ERC2: variants seen among roughly 807,000 people sequenced by gnomAD.
ERC2 encodes the protein ELKS/RAB6-interacting/CAST family member 2, also known as ERC protein 2.
ERC2 carries 42 observed loss-of-function variants against 114.8 expected under a neutral mutation model. The observed-to-expected ratio is 0.37, with a 90% confidence interval of 0.29 to 0.47. The LOEUF (loss-of-function observed/expected upper bound fraction) is 0.47, where lower values mean the gene tolerates loss of function less well. Among genes scored for constraint, ERC2 ranks in the 20% least tolerant of loss-of-function variants. The pLI, the probability that ERC2 is intolerant of heterozygous loss-of-function variation, is 0.99. For missense variants in ERC2, 939 were observed against 1,150.7 expected (o/e 0.82, Z 2.66); for synonymous variants, 454 against 425.5 (o/e 1.07, Z -0.82).
intron 4 of ERC2, among the ~76,000 whole-genome samples, chr3:56,163,582 A>G (rs1271216370): frequency 6.6e-6 from 1 of 151,754 alleles, no homozygotes; most frequent in Non-Finnish European, 1.5e-5. Context: ...TTAGGTTAGA[A>G]AAGTCTTTAT....
At chr3:56,278,773 G>A (rs925246562) in intron 3 of ERC2, among the ~76,000 whole-genome samples, 1 of 152,148 alleles carries the variant, frequency 6.6e-6, no homozygotes, top group African/African-American at 2.4e-5. Context: ...ATCACATGGT[G>A]AGGGAGGAGG....
chr3:56,355,710 T>C (rs73835005), intron 2 of ERC2, among the ~76,000 whole-genome samples: 12,354 of 152,222 alleles, frequency 0.081, 852 homozygotes, highest in African/African-American at 0.18. Context: ...AGGCAAATAT[T>C]GCATTGTGTA....
intron 14 of ERC2, among the ~76,000 whole-genome samples, chr3:55,752,587 C>T (rs1469131574): frequency 6.6e-6 from 1 of 152,174 alleles, no homozygotes; most frequent in East Asian, 1.9e-4. Context: ...ATTTTCTGTG[C>T]CAAAGACTAT....
chr3:56,329,409 C>T (rs1287051655), intron 2 of ERC2, among the ~76,000 whole-genome samples: 1 of 152,186 alleles, frequency 6.6e-6, no homozygotes, highest in Non-Finnish European at 1.5e-5. Context: ...GGAGCCCTAT[C>T]AGGTTCTCAC....
At position 56,409,293 on chromosome 3, in the gene ERC2, A is replaced by T. The variant is rs537152074; in HGVS notation, c.657+25058T>A. 3.6e-4 allele frequency among the ~76,000 whole-genome samples: 55 copies of T among 152,284 alleles called. 1 individual carries two copies. The South Asian group carries it at 0.011, about 30-fold the overall frequency. On this transcript the variant is annotated intron_variant, in intron 2 of 17. Transcript: ENST00000288221. ...TGTTTGTTTGTTTTATATTTAAAAA[A>T]ATATAATCAAACTAATTGCCAGCCA...
chr3:56,262,462 C>A (rs989206112), intron 3 of ERC2, among the ~76,000 whole-genome samples: 1 of 152,158 alleles, frequency 6.6e-6, no homozygotes, highest in Admixed American at 6.5e-5. Flanking sequence ...ATTAAAGAGG[C>A]AGCAGAGAAA....
chr3:55,561,721 C>A (rs985297442), intron 17 of ERC2, among the ~76,000 whole-genome samples: 5 of 152,112 alleles, frequency 3.3e-5, no homozygotes, highest in Non-Finnish European at 7.4e-5. Flanking sequence ...AATAGCACCC[C>A]CAATTTACTC....
chr3:56,416,683 T>TCC (rs1485787937), intron 2 of ERC2, among the ~76,000 whole-genome samples: 2 of 119,526 alleles, frequency 1.7e-5, no homozygotes, highest in African/African-American at 6.1e-5. Context: ...AAAAAAAAAC[T>TCC]CCTGATCTCT....
intron 14 of ERC2, among the ~76,000 whole-genome samples, chr3:55,769,794 G>A (rs1301093152): frequency 6.6e-6 from 1 of 152,114 alleles, no homozygotes; most frequent in African/African-American, 2.4e-5. Flanking sequence ...TTCACTCCAG[G>A]TTTTGGAAAA....
At chr3:55,720,854 C>T (rs2064503770) in intron 15 of ERC2, among the ~76,000 whole-genome samples, 1 of 152,190 alleles carries the variant, frequency 6.6e-6, no homozygotes, top group Admixed American at 6.5e-5. Context: ...CTTTCCACCT[C>T]ACAACTAAGA....
intron 17 of ERC2, among the ~76,000 whole-genome samples, chr3:55,575,587 C>T (rs1389661847): frequency 1.3e-5 from 2 of 152,172 alleles, no homozygotes; most frequent in Non-Finnish European, 2.9e-5. Flanking sequence ...GTAAGTAGGA[C>T]ACAGAAGCCC....
Position 55,577,376 on chromosome 3 carries a change from G to A in ERC2, c.*40-66100C>T, listed in dbSNP as rs145115106. ...TACTAATAAAAGGGCAGTGAGAGAT[G>A]GGGTAAAAATAATAAGGTTATATCC... is the stretch of plus-strand genomic sequence containing the variant. On this transcript the variant is annotated intron_variant, in intron 17 of 17. Coordinates refer to ENST00000288221, the MANE Select transcript of ERC2 (RefSeq NM_015576.3). 2.1e-3 allele frequency among the ~76,000 whole-genome samples: 316 copies of A among 152,302 alleles called. 1 individual carries two copies. Among genetic ancestry groups the A allele is most frequent in the Middle Eastern group, 6.8e-3 (2 of 292 alleles).
At chr3:55,900,990 C>T (rs1236004406) in intron 13 of ERC2, among the ~76,000 whole-genome samples, 1 of 152,120 alleles carries the variant, frequency 6.6e-6, no homozygotes, top group African/African-American at 2.4e-5. Context: ...TTGTTGAATA[C>T]AAATATAATG....
chr3:55,573,673 G>A (rs999893420), intron 17 of ERC2, among the ~76,000 whole-genome samples: 6 of 152,120 alleles, frequency 3.9e-5, no homozygotes, highest in Admixed American at 3.9e-4. Flanking sequence ...CTGCTTGCCA[G>A]AGTCAGCTGC....
intron 3 of ERC2, among the ~76,000 whole-genome samples, chr3:56,191,214 G>A (rs2083976709): frequency 6.6e-6 from 1 of 152,114 alleles, no homozygotes; most frequent in African/African-American, 2.4e-5. Flanking sequence ...GGCAGTGGGA[G>A]GGAAACCCAG....
chr3:56,409,889 T>C (rs2060878269), intron 2 of ERC2, among the ~76,000 whole-genome samples: 1 of 152,330 alleles, frequency 6.6e-6, no homozygotes, highest in African/African-American at 2.4e-5. Context: ...CGCTATCTCA[T>C]GTAGTCTTCA....
At chr3:55,793,995 T>C (rs1313446001) in intron 14 of ERC2, among the ~76,000 whole-genome samples, 1 of 152,198 alleles carries the variant, frequency 6.6e-6, no homozygotes, top group Non-Finnish European at 1.5e-5. Context: ...ACCTTTAAAA[T>C]AAGCATTAAA....
At chr3:55,667,129 A>G (rs1176402795) in intron 17 of ERC2, among the ~76,000 whole-genome samples, 1 of 152,186 alleles carries the variant, frequency 6.6e-6, no homozygotes, top group Non-Finnish European at 1.5e-5. Flanking sequence ...AGGATAATGG[A>G]AGATAATATA....
At chr3:56,335,129 AG>A (rs1009132908) in intron 2 of ERC2, among the ~76,000 whole-genome samples, 1 of 152,234 alleles carries the variant, frequency 6.6e-6, no homozygotes, top group African/African-American at 2.4e-5. Flanking sequence ...TAATGGGCAT[AG>A]GGCATCTAAG....
Sources: gnomAD v4.1 joint callset for allele counts (sites outside exome capture counted in the v4.1 genomes callset) on GRCh38, gnomAD v4.1.1 for gene constraint, MANE v1.5 for transcripts, NCBI Gene and HGNC (gene_info 2026-07-23, HGNC 2026-07-21) for gene names.